Variants in STK40 observed in about 807,000 individuals in gnomAD.
STK40 encodes the protein serine/threonine-protein kinase 40.
Under a neutral mutation model 47.9 loss-of-function variants are expected in STK40, and 13 were observed. The observed-to-expected ratio is 0.27, with a 90% confidence interval of 0.18 to 0.43. The LOEUF (loss-of-function observed/expected upper bound fraction) is 0.43. Among genes scored for constraint, STK40 ranks in the 20% least tolerant of loss-of-function variants. The pLI is 1.00. For missense variants in STK40, 460 were observed against 595.1 expected (o/e 0.77, Z 2.36); for synonymous variants, 225 against 243.2 (o/e 0.93, Z 0.69).
chr1:36,363,996 A>C (rs888932788), intron 1 of STK40, among the ~76,000 whole-genome samples: 11 of 150,352 alleles, frequency 7.3e-5, no homozygotes, highest in Non-Finnish European at 1.3e-4. Flanking sequence ...CTAAAAATAC[A>C]AAAAATTAGC....
intron 7 of STK40, among the ~76,000 whole-genome samples, chr1:36,344,498 A>G (rs1646682952): frequency 6.6e-6 from 1 of 152,198 alleles, no homozygotes; most frequent in Non-Finnish European, 1.5e-5. Flanking sequence ...GCCCGGCCAG[A>G]TGGCGAGCCC....
intron 1 of STK40, among the ~76,000 whole-genome samples, chr1:36,365,227 C>T (rs1415468968): frequency 2.0e-5 from 3 of 152,094 alleles, no homozygotes; most frequent in South Asian, 2.1e-4. Context: ...CGACCTCAGG[C>T]GATACGCCCG....
chr1:36,352,886 C>T (rs1457636952), intron 6 of STK40, among the ~76,000 whole-genome samples: 1 of 152,210 alleles, frequency 6.6e-6, no homozygotes. Context: ...TGGTGCTAGT[C>T]GAAGGATGGA....
In STK40 at chr1:36,348,706, G is replaced by A. The variant is rs1370562658; in HGVS notation, c.733C>T (p.Leu245Phe). Reference protein sequence around the residue: ...GSPAYISPDVLSGRPYRGKPS... With the variant: ...GSPAYISPDVFSGRPYRGKPS... ...GTCTGGCACACACACGTACCGCTGA[G>A]CACGTCGGGACTGATGTAGGCAGGG... Residue 245 changes from leucine (L) to phenylalanine (F), a missense_variant, in exon 7 of 11, where the codon CTC (leucine) becomes TTC (phenylalanine). Physicochemically the swap from Leu to Phe is conservative, Grantham distance 22. Coordinates refer to ENST00000373132, the MANE Select transcript of STK40 (RefSeq NM_001282547.2). 6.2e-7 allele frequency: 1 copy of A among 1,606,416 alleles called. No individual in the cohort carries two copies. The highest frequency in any genetic ancestry group is 8.5e-7 in the Non-Finnish European group (1 of 1,176,282).
chr1:36,361,072 G>A, intron 2 of STK40, 149 bp downstream of exon 2: 2 of 833,676 alleles, frequency 2.4e-6, no homozygotes, highest in Non-Finnish European at 3.7e-6. Context: ...AAGTAGTGAA[G>A]CTAGGGACCA....
At chr1:36,357,665 G>A (rs188557210) in intron 4 of STK40, among the ~76,000 whole-genome samples, 75 of 152,286 alleles carry the variant, frequency 4.9e-4, no homozygotes, top group African/African-American at 1.7e-3. Context: ...CACCCAGGCT[G>A]GAGTTCAGTG....
At chr1:36,383,456 C>T (rs1376912000) in intron 1 of STK40, among the ~76,000 whole-genome samples, 1 of 152,256 alleles carries the variant, frequency 6.6e-6, no homozygotes, top group Non-Finnish European at 1.5e-5. Context: ...AATGCAGGAG[C>T]TTGCCATCTG....
chr1:36,354,396 G>A lies in STK40; in HGVS notation c.591C>T (p.Asp197=). 6.2e-7 allele frequency: 1 copy of A among 1,614,062 alleles called. No homozygotes were observed. Among genetic ancestry groups the A allele is most frequent in the Non-Finnish European group, 8.5e-7 (1 of 1,179,978 alleles). ...ALHQKNIVHR[D]LKLGNMVLNK... Reference sequence around the variant, plus strand: ...TGAGCACCATGTTCCCCAGCTTCAGGTCTCTGTGCACGATATTTTTCTGTA... The same window carrying A: ...TGAGCACCATGTTCCCCAGCTTCAGATCTCTGTGCACGATATTTTTCTGTA... Residue 197 remains aspartate (D), a synonymous_variant, in exon 6 of 11, where the codon GAC becomes GAT. Transcript: ENST00000373132.
At chr1:36,345,989 A>ATTTTT (rs1330462605) in intron 7 of STK40, among the ~76,000 whole-genome samples, 8 of 19,584 alleles carry the variant, frequency 4.1e-4, no homozygotes, top group Admixed American at 2.6e-3. Flanking sequence ...ATATATATAT[A>ATTTTT]TATTTTTTTT....
At chr1:36,375,629 A>T (rs985204005) in intron 1 of STK40, among the ~76,000 whole-genome samples, 1 of 152,228 alleles carries the variant, frequency 6.6e-6, no homozygotes, top group Non-Finnish European at 1.5e-5. Context: ...TGTTTTCAAC[A>T]GCAAAAATCA....
intron 1 of STK40, chr1:36,372,896 C>A (rs1300153752): frequency 2.0e-5 from 3 of 152,224 alleles, no homozygotes; most frequent in African/African-American, 7.2e-5. Context: ...GCACTTAATA[C>A]TCACATGTAG....
intron 4 of STK40, among the ~76,000 whole-genome samples, chr1:36,355,962 T>A (rs1333934515): frequency 6.6e-6 from 1 of 152,072 alleles, no homozygotes; most frequent in African/African-American, 2.4e-5. Flanking sequence ...AAGAGGACTG[T>A]CGGGATGCAG....
chr1:36,358,142 G>A (rs376786137), intron 4 of STK40, 97 bp downstream of exon 4: 1 of 1,417,216 alleles, frequency 7.1e-7, no homozygotes, highest in Non-Finnish European at 9.3e-7. Context: ...ACACCCAAGG[G>A]TCACGTGAGC....
At chr1:36,384,031 C>CTTT (rs35654052) in intron 1 of STK40, among the ~76,000 whole-genome samples, 3 of 131,954 alleles carry the variant, frequency 2.3e-5, no homozygotes, top group South Asian at 2.3e-4. Flanking sequence ...TCTTCTTCTT[C>CTTT]TTTTTTTTTT....
chr1:36,362,853 A>G (rs1423511231), intron 1 of STK40, among the ~76,000 whole-genome samples: 1 of 151,856 alleles, frequency 6.6e-6, no homozygotes, highest in Non-Finnish European at 1.5e-5. Context: ...CTTTTTTCCC[A>G]CCTAAAATAC....
chr1:36,358,570 TTAA>T (rs957369397), intron 3 of STK40, among the ~76,000 whole-genome samples, 164 bp downstream of exon 3: 1 of 152,146 alleles, frequency 6.6e-6, no homozygotes, highest in African/African-American at 2.4e-5. Flanking sequence ...ACAAAACTCT[TTAA>T]ATCAGAAGTT....
chr1:36,344,665 C>T (rs1646684857), intron 7 of STK40, among the ~76,000 whole-genome samples: 1 of 152,226 alleles, frequency 6.6e-6, no homozygotes, highest in African/African-American at 2.4e-5. Flanking sequence ...TCCTTCACAG[C>T]CCGGATGACT....
At chr1:36,343,246 G>T in intron 10 of STK40, 118 bp downstream of exon 10, 1 of 1,152,312 alleles carries the variant, frequency 8.7e-7, no homozygotes, top group Non-Finnish European at 1.3e-6. Context: ...GGCTGGGGAA[G>T]AAGACCAAGG....
At chr1:36,367,377 G>A (rs1253689664) in intron 1 of STK40, among the ~76,000 whole-genome samples, 1 of 152,216 alleles carries the variant, frequency 6.6e-6, no homozygotes, top group Non-Finnish European at 1.5e-5. Context: ...CAGTGTGAGA[G>A]GGCCTCACCT....
Sources: allele counts gnomAD v4.1 joint callset (sites outside exome capture counted in the v4.1 genomes callset), GRCh38; gene constraint gnomAD v4.1.1; transcripts MANE v1.5; gene names NCBI Gene and HGNC (gene_info 2026-07-23, HGNC 2026-07-21).